The following PPP3CA variants were observed in gnomAD, a reference collection of about 807,000 sequenced individuals.
PPP3CA encodes CAM-PRP catalytic subunit.
PPP3CA carries 14 observed loss-of-function variants against 66.5 expected under a neutral mutation model. That is an observed-to-expected ratio of 0.21 (90% CI 0.14 to 0.33). The LOEUF (loss-of-function observed/expected upper bound fraction) is 0.33, where lower values mean the gene tolerates loss of function less well. Ranked by LOEUF, PPP3CA falls within the 10% of genes least tolerant of loss-of-function variation. The pLI is 1.00. For synonymous variants in PPP3CA, 232 were observed against 226.2 expected (o/e 1.03, Z -0.23); for missense variants, 317 against 639.5 (o/e 0.50, Z 5.44).
At chr4:101,255,576 A>T (rs1283821884) in intron 1 of PPP3CA, among the ~76,000 whole-genome samples, 2 of 151,910 alleles carry the variant, frequency 1.3e-5, no homozygotes, top group East Asian at 3.8e-4. Context: ...ATTCTTAAAA[A>T]TTTTATTTTA....
At chr4:101,108,285 C>T (rs978024520) in intron 3 of PPP3CA, 31 of 152,178 alleles carry the variant, frequency 2.0e-4, no homozygotes, top group African/African-American at 7.5e-4. Flanking sequence ...GTTACTGTCT[C>T]ACAATTATAA....
intron 2 of PPP3CA, among the ~76,000 whole-genome samples, chr4:101,152,523 T>C (rs1286319030): frequency 4.6e-5 from 7 of 152,250 alleles, no homozygotes; most frequent in Admixed American, 2.0e-4. Context: ...TGTAATGTCA[T>C]AGGCTACTAA....
intron 11 of PPP3CA, among the ~76,000 whole-genome samples, chr4:101,033,478 G>GTTAC (rs1727104240): frequency 6.6e-6 from 1 of 152,050 alleles, no homozygotes; most frequent in Non-Finnish European, 1.5e-5. Context: ...CCATCTTTTA[G>GTTAC]TTACTTAAGA....
At chr4:101,245,885 T>A (rs1052416168) in intron 1 of PPP3CA, among the ~76,000 whole-genome samples, 2 of 152,082 alleles carry the variant, frequency 1.3e-5, no homozygotes, top group Admixed American at 6.5e-5. Flanking sequence ...AATTATATTA[T>A]CATTCATCAA....
intron 1 of PPP3CA, among the ~76,000 whole-genome samples, chr4:101,313,540 T>C (rs1728790944): frequency 6.6e-6 from 1 of 152,222 alleles, no homozygotes; most frequent in East Asian, 1.9e-4. Flanking sequence ...CAGTTTATGT[T>C]CAGTTTTGAA....
chr4:101,150,716 T>C lies in PPP3CA; in HGVS notation c.260-41638A>G, dbSNP rs186736411. 2.5e-3 allele frequency among the ~76,000 whole-genome samples: 379 copies of C among 152,332 alleles called. 2 individuals carry two copies. Among genetic ancestry groups the C allele is most frequent in the Non-Finnish European group, 3.4e-3 (231 of 68,016 alleles). ...GTATAGAATAGTTAATAAAGCTGTATAGAAGCAAAATAAAGTCTAAATGCT... is the reference window on the plus strand; with the variant it reads ...GTATAGAATAGTTAATAAAGCTGTACAGAAGCAAAATAAAGTCTAAATGCT... On this transcript the variant is annotated intron_variant, in intron 2 of 13. Coordinates refer to ENST00000394854, the MANE Select transcript of PPP3CA (RefSeq NM_000944.5).
intron 2 of PPP3CA, among the ~76,000 whole-genome samples, chr4:101,190,557 A>G (rs879758199): frequency 7.9e-5 from 12 of 152,172 alleles, no homozygotes; most frequent in Admixed American, 6.5e-4. Context: ...CTGAATTACT[A>G]TGGTTCAGCT....
At chr4:101,295,161 C>T (rs1486554345) in intron 1 of PPP3CA, among the ~76,000 whole-genome samples, 8 of 150,482 alleles carry the variant, frequency 5.3e-5, no homozygotes, top group Non-Finnish European at 8.9e-5. Context: ...ATTAGCCGGG[C>T]GCGGTGGCGG....
chr4:101,297,036 C>T (rs2110294955), intron 1 of PPP3CA, among the ~76,000 whole-genome samples: 1 of 152,246 alleles, frequency 6.6e-6, no homozygotes, highest in African/African-American at 2.4e-5. Context: ...ATTCTAGGAA[C>T]TTATAAAACT....
At chr4:101,248,380 T>C (rs543448209) in intron 1 of PPP3CA, among the ~76,000 whole-genome samples, 29 of 152,336 alleles carry the variant, frequency 1.9e-4, no homozygotes, top group African/African-American at 6.3e-4. Flanking sequence ...ATAACTGCTC[T>C]GGAATAAATG....
chr4:101,143,829 T>C (rs1279083650), intron 2 of PPP3CA, among the ~76,000 whole-genome samples: 2 of 152,192 alleles, frequency 1.3e-5, no homozygotes, highest in African/African-American at 2.4e-5. Context: ...CTGTTACAAC[T>C]GGGTGGTTTC....
intron 13 of PPP3CA, among the ~76,000 whole-genome samples, chr4:101,027,438 T>C (rs1347169962): frequency 6.6e-6 from 1 of 152,164 alleles, no homozygotes; most frequent in African/African-American, 2.4e-5. Context: ...AAGGTTAGCA[T>C]AATGGTGATT....
chr4:101,239,335 A>G (rs1033303335), intron 1 of PPP3CA, among the ~76,000 whole-genome samples: 1 of 152,060 alleles, frequency 6.6e-6, no homozygotes, highest in Non-Finnish European at 1.5e-5. Context: ...ACTGTTGATT[A>G]CTCCCTTTTG....
At chr4:101,346,572 C>T (rs970666217) in intron 1 of PPP3CA, among the ~76,000 whole-genome samples, 167 bp downstream of exon 1, 4 of 150,766 alleles carry the variant, frequency 2.7e-5, no homozygotes, top group African/African-American at 9.8e-5. Flanking sequence ...GCCGCGGGGG[C>T]GGGGGGTTCG....
chr4:101,259,275 G>A (rs1453858550), intron 1 of PPP3CA, among the ~76,000 whole-genome samples: 2 of 152,138 alleles, frequency 1.3e-5, no homozygotes, highest in East Asian at 3.9e-4. Context: ...GAATCTTACT[G>A]CTAAACACGT....
intron 1 of PPP3CA, among the ~76,000 whole-genome samples, chr4:101,246,192 G>C (rs571919828): frequency 7.2e-5 from 11 of 152,250 alleles, no homozygotes; most frequent in African/African-American, 2.6e-4. Flanking sequence ...GCAGCAAAAG[G>C]TGCATGTAGT....
rs775018059 is a variant in PPP3CA at position 101,106,453 on chromosome 4, G to GAAA, written c.384+2500_384+2501insTTT. Among the ~76,000 whole-genome samples, 9 of 35,512 alleles carry GAAA rather than the reference G, an allele frequency of 2.5e-4. 1 individual carries two copies. Among genetic ancestry groups the GAAA allele is most frequent in the Non-Finnish European group, 4.2e-4 (8 of 19,014 alleles). The allele number at this position is 35,512 out of a possible 152,430, so 23.3% of individuals were successfully genotyped here. ...AGAAAGAAAGAAAGAAAGAAAGAAA[G>GAAA]AGAAAAGAAAAGAAAAGAAAAGAAA... On this transcript the variant is annotated intron_variant, in intron 3 of 13. Coordinates refer to ENST00000394854, the MANE Select transcript of PPP3CA (RefSeq NM_000944.5).
At chr4:101,043,743 CACA>C in intron 10 of PPP3CA, among the ~76,000 whole-genome samples, 1 of 151,996 alleles carries the variant, frequency 6.6e-6, no homozygotes, top group Non-Finnish European at 1.5e-5. Context: ...GGTGTGGTGG[CACA>C]TGCCTGTATT....
In PPP3CA at chr4:101,032,251, C is replaced by CCAT. The variant is rs546166325; in HGVS notation, c.1339+13_1339+15dup. On this transcript the variant is annotated intron_variant, in intron 12 of 13. Transcript: ENST00000394854. ...GCGATGCCCCAGCACACAGTCATAC[C>CCAT]CATCAGCCTGCTTACCGCTTTGCAG... is the stretch of plus-strand genomic sequence containing the variant. The CCAT allele has an allele frequency of 4.9e-4, 770 of 1,577,238 alleles. 8 individuals carry two copies. The African/African-American group carries it at 9.5e-3, about 19-fold the overall frequency.
Sources: gnomAD v4.1 joint callset for allele counts (sites outside exome capture counted in the v4.1 genomes callset) on GRCh38, gnomAD v4.1.1 for gene constraint, MANE v1.5 for transcripts, NCBI Gene and HGNC (gene_info 2026-07-23, HGNC 2026-07-21) for gene names.